Variants in MAGI2 observed in about 807,000 individuals in gnomAD.
The protein encoded by MAGI2 is membrane-associated guanylate kinase, WW and PDZ domain-containing protein 2.
A neutral mutation model predicts 133.3 loss-of-function variants in MAGI2; 35 were observed. The ratio of observed to expected loss-of-function variants is 0.26; its 90% CI spans 0.20 to 0.35. MAGI2 has a LOEUF of 0.35. Among genes scored for constraint, MAGI2 ranks in the 10% least tolerant of loss-of-function variants. The pLI, the probability that MAGI2 is intolerant of heterozygous loss-of-function variation, is 1.00. For missense variants in MAGI2, 1,636 were observed against 1,863.4 expected, an observed-to-expected ratio of 0.88 and a Z score of 2.25; for synonymous variants, 729 against 710.6, an observed-to-expected ratio of 1.03 and a Z score of -0.41.
chr7:79,109,486 G>A (rs946421484), intron 1 of MAGI2, among the ~76,000 whole-genome samples: 1 of 152,206 alleles, frequency 6.6e-6, no homozygotes, highest in Non-Finnish European at 1.5e-5. Context: ...CGGAAGAAAT[G>A]TCTAAGGAGC....
intron 2 of MAGI2, among the ~76,000 whole-genome samples, chr7:78,666,675 G>A (rs1411019420): frequency 6.6e-6 from 1 of 152,180 alleles, no homozygotes; most frequent in Non-Finnish European, 1.5e-5. Context: ...TCCAAAGTAT[G>A]AGGGAACTTT....
rs143029390 is a variant in MAGI2 at position 78,144,500 on chromosome 7, T to C, written c.2846-9294A>G. 4.1e-3 allele frequency among the ~76,000 whole-genome samples: 622 copies of C among 152,352 alleles called. 8 individuals carry two copies. Among genetic ancestry groups the C allele is most frequent in the African/African-American group, 0.014 (591 of 41,590 alleles). On this transcript the variant is annotated intron_variant, in intron 16 of 21. Transcript: ENST00000354212. Reference sequence around the variant, plus strand: ...TAAATCTTGTTCACTGAAGCGTTTATGATTTCATTTATTTTCTTGCACAGT... The same window carrying C: ...TAAATCTTGTTCACTGAAGCGTTTACGATTTCATTTATTTTCTTGCACAGT...
intron 1 of MAGI2, among the ~76,000 whole-genome samples, chr7:79,018,117 G>A (rs1163473304): frequency 2.0e-5 from 3 of 151,900 alleles, no homozygotes; most frequent in Non-Finnish European, 4.4e-5. Context: ...GATTCTCAAA[G>A]GTCATAATGA....
chr7:79,329,354 T>C (rs1033847199), intron 1 of MAGI2, among the ~76,000 whole-genome samples: 7 of 152,252 alleles, frequency 4.6e-5, no homozygotes, highest in African/African-American at 1.7e-4. Context: ...TAACACGTAA[T>C]AATTTGTTTT....
intron 6 of MAGI2, among the ~76,000 whole-genome samples, chr7:78,457,388 C>A (rs1028437955): frequency 6.6e-6 from 1 of 152,122 alleles, no homozygotes; most frequent in Non-Finnish European, 1.5e-5. Flanking sequence ...CAAATCCGGG[C>A]CTTAGGTTGG....
intron 1 of MAGI2, among the ~76,000 whole-genome samples, chr7:79,150,942 T>C (rs1823162442): frequency 6.6e-6 from 1 of 152,148 alleles, no homozygotes; most frequent in African/African-American, 2.4e-5. Context: ...TAAAAATGTT[T>C]CACACTTATT....
At chr7:78,605,948 T>C (rs1283677954) in intron 3 of MAGI2, among the ~76,000 whole-genome samples, 1 of 152,128 alleles carries the variant, frequency 6.6e-6, no homozygotes, top group African/African-American at 2.4e-5. Context: ...GTAAGGACAC[T>C]ACTCGTTGGC....
intron 9 of MAGI2, among the ~76,000 whole-genome samples, chr7:78,335,794 C>T (rs1346113484): frequency 6.6e-6 from 1 of 152,028 alleles, no homozygotes; most frequent in Non-Finnish European, 1.5e-5. Flanking sequence ...TAAAACTCCA[C>T]AAAGCTGTTT....
chr7:78,708,453 C>T (rs1818865295), intron 2 of MAGI2, among the ~76,000 whole-genome samples: 1 of 152,112 alleles, frequency 6.6e-6, no homozygotes, highest in Non-Finnish European at 1.5e-5. Context: ...AGTAAATTGG[C>T]AAAGCACAGT....
intron 2 of MAGI2, among the ~76,000 whole-genome samples, chr7:78,798,357 T>C (rs1055329439): frequency 6.6e-6 from 1 of 152,166 alleles, no homozygotes; most frequent in African/African-American, 2.4e-5. Context: ...AATTCAGTGA[T>C]ATAAGTTATT....
At chr7:78,101,769 A>G (rs1236978431) in intron 20 of MAGI2, among the ~76,000 whole-genome samples, 1 of 152,202 alleles carries the variant, frequency 6.6e-6, no homozygotes, top group African/African-American at 2.4e-5. Context: ...GGGAATATAA[A>G]TCAGTACAGC....
At chr7:79,320,203 T>C (rs1483123157) in intron 1 of MAGI2, among the ~76,000 whole-genome samples, 1 of 152,116 alleles carries the variant, frequency 6.6e-6, no homozygotes, top group Non-Finnish European at 1.5e-5. Context: ...ATTTCCCATA[T>C]ATACAAAAAA....
chr7:78,407,654 CTTT>C lies in MAGI2; in HGVS notation c.1046-38444_1046-38442del, dbSNP rs3061272. 2.0e-3 allele frequency among the ~76,000 whole-genome samples: 299 copies of C among 148,456 alleles called. 1 individual carries two copies. The highest frequency in any genetic ancestry group is 6.8e-3 in the Middle Eastern group (2 of 292). ...TATCAAGCTGCTGCAGCTTCTTCTACTTTTTTTTTTTTTTTAAATTCCAACGTA... is the reference window on the plus strand; with the variant it reads ...TATCAAGCTGCTGCAGCTTCTTCTACTTTTTTTTTTTTAAATTCCAACGTA... On this transcript the variant is annotated intron_variant, in intron 6 of 21. Coordinates refer to ENST00000354212, the MANE Select transcript of MAGI2 (RefSeq NM_012301.4).
chr7:78,953,098 C>G (rs1325527493), intron 2 of MAGI2, among the ~76,000 whole-genome samples: 2 of 152,184 alleles, frequency 1.3e-5, no homozygotes, highest in African/African-American at 2.4e-5. Context: ...AGTAGCCTGA[C>G]AGTTACTATC....
chr7:78,127,226 A>AC lies in MAGI2; in HGVS notation c.3393dup (p.Tyr1132ValfsTer13). ...GGTTGTCTGTAGTCCGACAGAGGGT[A>AC]CTGCCTGGTGTCGGGGGAGTGCTGC... On this transcript the variant is annotated frameshift_variant, in exon 19 of 22. Transcript: ENST00000354212. LOFTEE classifies it high-confidence loss of function. 6.2e-7 allele frequency: 1 copy of AC among 1,601,904 alleles called. No individual in the cohort carries two copies.
intron 1 of MAGI2, among the ~76,000 whole-genome samples, chr7:79,139,590 T>C (rs1169831595): frequency 6.6e-6 from 1 of 152,160 alleles, no homozygotes. Flanking sequence ...AGGTTGTATT[T>C]TGTCTCAGGA....
intron 6 of MAGI2, among the ~76,000 whole-genome samples, chr7:78,481,210 G>C (rs1365328736): frequency 6.6e-6 from 1 of 151,946 alleles, no homozygotes; most frequent in East Asian, 1.9e-4. Flanking sequence ...AAGAAAAGCA[G>C]TTTAATTGAC....
intron 18 of MAGI2, among the ~76,000 whole-genome samples, chr7:78,129,621 G>A (rs1821340321): frequency 6.6e-6 from 1 of 152,084 alleles, no homozygotes; most frequent in Non-Finnish European, 1.5e-5. Context: ...TGCTGCCAAT[G>A]GTGAGAATGC....
At chr7:78,450,447 A>T (rs1788605274) in intron 6 of MAGI2, among the ~76,000 whole-genome samples, 1 of 152,080 alleles carries the variant, frequency 6.6e-6, no homozygotes, top group African/African-American at 2.4e-5. Flanking sequence ...CAACTCAAAT[A>T]AGTGTTCCAT....
Sources: gnomAD v4.1 joint callset for allele counts (sites outside exome capture counted in the v4.1 genomes callset) on GRCh38, gnomAD v4.1.1 for gene constraint, MANE v1.5 for transcripts, NCBI Gene and HGNC (gene_info 2026-07-23, HGNC 2026-07-21) for gene names.